The following PTPRD variants were observed in gnomAD, a reference collection of about 807,000 sequenced individuals.
PTPRD encodes receptor-type tyrosine-protein phosphatase delta.
Under a neutral mutation model 214.5 loss-of-function variants are expected in PTPRD, and 34 were observed. That is an observed-to-expected ratio of 0.16 (90% CI 0.12 to 0.21). The LOEUF (loss-of-function observed/expected upper bound fraction) is 0.21, where lower values mean the gene tolerates loss of function less well. Among genes scored for constraint, PTPRD ranks in the 10% least tolerant of loss-of-function variants. The pLI is 1.00. For synonymous variants in PTPRD, 1,128 were observed against 845.7 expected (o/e 1.33, Z -5.79); for missense variants, 2,545 against 2,398.7 (o/e 1.06, Z -1.27).
At chr9:9,191,639 T>C (rs62529522) in intron 9 of PTPRD, among the ~76,000 whole-genome samples, 22,758 of 152,042 alleles carry the variant, frequency 0.15, 2,015 homozygotes, top group East Asian at 0.38. Flanking sequence ...ATGATGACCA[T>C]ATCTGAAGTT....
intron 36 of PTPRD, among the ~76,000 whole-genome samples, chr9:8,400,490 A>G (rs2092197809): frequency 6.6e-6 from 1 of 152,210 alleles, no homozygotes; most frequent in Non-Finnish European, 1.5e-5. Context: ...GAGATAGGAA[A>G]TAGGAAATGA....
intron 2 of PTPRD, among the ~76,000 whole-genome samples, chr9:10,508,726 A>T (rs1277960804): frequency 6.6e-6 from 1 of 152,078 alleles, no homozygotes; most frequent in Admixed American, 6.6e-5. Context: ...GTTCTCACTC[A>T]TAGGTGGGAA....
chr9:10,180,538 G>A (rs1182672160), intron 3 of PTPRD, among the ~76,000 whole-genome samples: 3 of 136,876 alleles, frequency 2.2e-5, no homozygotes, highest in Admixed American at 7.9e-5. Context: ...AAATTTTTAA[G>A]ATGAAAATTG....
At chr9:10,079,017 G>T (rs1234145877) in intron 3 of PTPRD, among the ~76,000 whole-genome samples, 1 of 151,392 alleles carries the variant, frequency 6.6e-6, no homozygotes, top group Non-Finnish European at 1.5e-5. Context: ...TTTTTGGGTT[G>T]AAATTTAAAC....
At chr9:9,122,015 T>C (rs984541328) in intron 10 of PTPRD, among the ~76,000 whole-genome samples, 1 of 152,152 alleles carries the variant, frequency 6.6e-6, no homozygotes, top group Non-Finnish European at 1.5e-5. Flanking sequence ...CAGAATTTGT[T>C]ACATGAGGGG....
At chr9:9,228,388 CATAT>C (rs902659447) in intron 9 of PTPRD, among the ~76,000 whole-genome samples, 8 of 152,140 alleles carry the variant, frequency 5.3e-5, no homozygotes, top group African/African-American at 1.9e-4. Flanking sequence ...TGCAAATACA[CATAT>C]GTGCACACAT....
chr9:10,231,087 G>T (rs935315801), intron 3 of PTPRD, among the ~76,000 whole-genome samples: 11 of 151,920 alleles, frequency 7.2e-5, no homozygotes, highest in African/African-American at 2.4e-4. Flanking sequence ...AAATGGAAAA[G>T]CTTCAAAAGC....
At chr9:10,431,519 T>C (rs987429948) in intron 2 of PTPRD, among the ~76,000 whole-genome samples, 2 of 151,138 alleles carry the variant, frequency 1.3e-5, no homozygotes, top group Non-Finnish European at 3.0e-5. Flanking sequence ...TGGGAGAAAA[T>C]TTTCGCAACC....
chr9:10,580,700 T>C (rs2071417007), intron 2 of PTPRD, among the ~76,000 whole-genome samples: 1 of 152,160 alleles, frequency 6.6e-6, no homozygotes, highest in Admixed American at 6.6e-5. Flanking sequence ...AAATTATAAA[T>C]TATAATAGTC....
At position 8,611,213 on chromosome 9, in the gene PTPRD, T is replaced by C. The variant is rs532793318; in HGVS notation, c.352+22104A>G. On this transcript the variant is annotated intron_variant, in intron 14 of 45. Transcript: ENST00000381196. ...AATAACCAAAAAGCTGATTGTTCAT[T>C]TGTTAAACAAGAATATCAAAGTTAA... Among the ~76,000 whole-genome samples the C allele has an allele frequency of 2.0e-5, 3 of 152,342 alleles. No homozygotes were observed. The East Asian group carries it at 5.8e-4, about 29-fold the overall frequency.
chr9:9,540,533 T>C (rs567843225), intron 8 of PTPRD, among the ~76,000 whole-genome samples: 35 of 151,784 alleles, frequency 2.3e-4, no homozygotes, highest in Non-Finnish European at 4.6e-4. Context: ...AGCCAGAGAC[T>C]ATCCAGAACA....
intron 8 of PTPRD, among the ~76,000 whole-genome samples, chr9:9,464,097 G>T (rs1589120431): frequency 6.6e-6 from 1 of 152,110 alleles, no homozygotes; most frequent in Admixed American, 6.5e-5. Flanking sequence ...ATGGATTTGA[G>T]TCTGATCTCA....
At chr9:10,296,124 A>G (rs2095665537) in intron 3 of PTPRD, among the ~76,000 whole-genome samples, 1 of 152,122 alleles carries the variant, frequency 6.6e-6, no homozygotes, top group Non-Finnish European at 1.5e-5. Context: ...GATTCAAAGT[A>G]TACACAATCA....
At chr9:8,393,422 T>C (rs2090213776) in intron 36 of PTPRD, among the ~76,000 whole-genome samples, 1 of 152,190 alleles carries the variant, frequency 6.6e-6, no homozygotes. Context: ...TTGATTTGTT[T>C]TTTGGGTTTC....
At position 10,363,991 on chromosome 9, in the gene PTPRD, G is replaced by GTTTTTTTTTTTTT. The variant is rs71270610; in HGVS notation, c.-599-22987_-599-22975dup. Among the ~76,000 whole-genome samples, 41 of 35,114 alleles carry GTTTTTTTTTTTTT rather than the reference G, an allele frequency of 1.2e-3. 5 individuals are homozygous for GTTTTTTTTTTTTT. The highest frequency in any genetic ancestry group is 3.7e-3 in the African/African-American group (30 of 8,098). 23.0% of individuals were successfully genotyped at this position (35,114 alleles called of 152,430 possible). ...ATTATTATTGCCTCCACATTTTCGG[G>GTTTTTTTTTTTTT]TTTTTTTTTTTTTTTTTTTTTTTTT... On this transcript the variant is annotated intron_variant, in intron 2 of 45. Transcript: ENST00000381196.
chr9:10,451,281 G>T (rs112069988), intron 2 of PTPRD, among the ~76,000 whole-genome samples: 1,836 of 151,970 alleles, frequency 0.012, 65 homozygotes, highest in African/African-American at 0.04. Flanking sequence ...TACAATTTAT[G>T]AATTACATTT....
rs199629071 is a variant in PTPRD, at chr9:8,460,564, T to A, written c.3722A>T (p.Tyr1241Phe). The change falls in exon 33 of 46, where the codon TAT becomes TTT. Residue 1241 changes from tyrosine (Y) to phenylalanine (F), a missense_variant. Coordinates refer to ENST00000381196, the MANE Select transcript of PTPRD (RefSeq NM_002839.4). ...AVMEHAESKM[Y>F]ATSPYSDPVV... ...GGGGTCGGAGTAAGGGCTGGTTGCATACATCTTCTGAGGAAAAGCAGAGTC... is the reference window on the plus strand; with the variant it reads ...GGGGTCGGAGTAAGGGCTGGTTGCAAACATCTTCTGAGGAAAAGCAGAGTC... 6.2e-7 allele frequency: 1 copy of A among 1,611,498 alleles called. No individual in the cohort carries two copies. Among genetic ancestry groups the A allele is most frequent in the Admixed American group, 1.7e-5 (1 of 59,470 alleles).
intron 5 of PTPRD, among the ~76,000 whole-genome samples, chr9:9,885,066 T>C (rs1160897820): frequency 6.6e-6 from 1 of 152,020 alleles, no homozygotes; most frequent in East Asian, 1.9e-4. Flanking sequence ...GTAAAACTGG[T>C]GCCTGTAGTA....
At chr9:10,391,511 C>G (rs1431023261) in intron 2 of PTPRD, among the ~76,000 whole-genome samples, 1 of 151,746 alleles carries the variant, frequency 6.6e-6, no homozygotes, top group African/African-American at 2.4e-5. Flanking sequence ...CTGTTAGAAG[C>G]TGCTTATTTT....
Sources: gnomAD v4.1 joint callset for allele counts (sites outside exome capture counted in the v4.1 genomes callset) on GRCh38, gnomAD v4.1.1 for gene constraint, MANE v1.5 for transcripts, NCBI Gene and HGNC (gene_info 2026-07-23, HGNC 2026-07-21) for gene names.